SHISAL1: variants seen among roughly 807,000 people sequenced by gnomAD.
The protein encoded by SHISAL1 is protein shisa-like-1.
In SHISAL1, 9 loss-of-function variants were observed where a neutral mutation model predicts 22.6. The ratio of observed to expected loss-of-function variants is 0.40; its 90% CI spans 0.24 to 0.70. The LOEUF is 0.70. Ranked by LOEUF, SHISAL1 falls within the 30% of genes least tolerant of loss-of-function variation. The pLI is 0.39. For synonymous variants in SHISAL1, 119 were observed against 115.4 expected, an observed-to-expected ratio of 1.03 and a Z score of -0.20; for missense variants, 246 against 270.6, an observed-to-expected ratio of 0.91 and a Z score of 0.64.
chr22:44,262,249 G>A (rs1378028403), intron 4 of SHISAL1, among the ~76,000 whole-genome samples: 1 of 152,210 alleles, frequency 6.6e-6, no homozygotes, highest in Non-Finnish European at 1.5e-5. Flanking sequence ...CTCAGCCAAG[G>A]TCATTCAGAG....
intron 4 of SHISAL1, among the ~76,000 whole-genome samples, chr22:44,263,107 G>C (rs1003467967): frequency 2.8e-5 from 3 of 107,514 alleles, no homozygotes; most frequent in African/African-American, 9.2e-5. Context: ...TTTGGAGATG[G>C]AGTCTGTGTC....
intron 4 of SHISAL1, among the ~76,000 whole-genome samples, chr22:44,277,170 G>C (rs897603817): frequency 2.6e-5 from 4 of 152,196 alleles, no homozygotes; most frequent in African/African-American, 9.6e-5. Flanking sequence ...CACTGTCTTG[G>C]ACAGAGCCGT....
chr22:44,282,823 G>T (rs2055285815), intron 4 of SHISAL1, among the ~76,000 whole-genome samples: 1 of 152,324 alleles, frequency 6.6e-6, no homozygotes, highest in Middle Eastern at 3.4e-3. Context: ...ATTCTCCAGT[G>T]TGCCCGAGGA....
intron 2 of SHISAL1, among the ~76,000 whole-genome samples, chr22:44,297,316 G>A (rs767012519): frequency 1.8e-4 from 27 of 152,238 alleles, no homozygotes; most frequent in Non-Finnish European, 3.5e-4. Context: ...AAGTGTTGGA[G>A]GGACAGGAAT....
chr22:44,301,015 G>A, intron 1 of SHISAL1, 38 bp from the exon 2 acceptor site: 1 of 1,431,362 alleles, frequency 7.0e-7, no homozygotes, highest in South Asian at 1.2e-5. Flanking sequence ...GGTGTGGGCT[G>A]TCTCGCCTGA....
intron 4 of SHISAL1, among the ~76,000 whole-genome samples, chr22:44,253,375 G>C (rs2055062070): frequency 6.6e-6 from 1 of 150,876 alleles, no homozygotes; most frequent in South Asian, 2.1e-4. Flanking sequence ...TATTCATAGA[G>C]CAAGACTGGA....
chr22:44,282,611 G>C (rs2055284489), intron 4 of SHISAL1, among the ~76,000 whole-genome samples: 1 of 152,246 alleles, frequency 6.6e-6, no homozygotes, highest in African/African-American at 2.4e-5. Context: ...AAGAGCTGGG[G>C]TGGGCAGGGG....
chr22:44,272,888 GAGTTCA>G (rs1337504961), intron 4 of SHISAL1, among the ~76,000 whole-genome samples: 2 of 152,192 alleles, frequency 1.3e-5, no homozygotes, highest in African/African-American at 4.8e-5. Flanking sequence ...CTGGGCTTAG[GAGTTCA>G]AGTCCAGCCT....
At chr22:44,278,148 C>G (rs758530882) in intron 4 of SHISAL1, among the ~76,000 whole-genome samples, 6 of 152,214 alleles carry the variant, frequency 3.9e-5, no homozygotes, top group African/African-American at 1.4e-4. Context: ...AATCAGCTGC[C>G]AGCGTGGCCT....
chr22:44,249,773 G>A, intron 4 of SHISAL1, 88 bp from the exon 5 acceptor site: 1 of 763,454 alleles, frequency 1.3e-6, no homozygotes, highest in Non-Finnish European at 2.4e-6. Flanking sequence ...AAGAAGCCAG[G>A]TTTTCTCTGA....
chr22:44,311,455 C>T (rs1411931312), intron 1 of SHISAL1, among the ~76,000 whole-genome samples: 4 of 152,336 alleles, frequency 2.6e-5, no homozygotes, highest in African/African-American at 7.2e-5. Flanking sequence ...CTGCTGAATC[C>T]ACCATGCCCC....
chr22:44,302,421 A>C (rs933594318), intron 1 of SHISAL1, among the ~76,000 whole-genome samples: 1 of 152,100 alleles, frequency 6.6e-6, no homozygotes, highest in Non-Finnish European at 1.5e-5. Flanking sequence ...CAATAAAAAA[A>C]AATTTTTAAT....
intron 4 of SHISAL1, among the ~76,000 whole-genome samples, chr22:44,270,599 G>A (rs779487800): frequency 1.2e-4 from 19 of 152,318 alleles, no homozygotes; most frequent in Non-Finnish European, 1.8e-4. Flanking sequence ...GGGCCAGCTC[G>A]CATGGAGGCT....
intron 3 of SHISAL1, among the ~76,000 whole-genome samples, chr22:44,289,495 T>TGTGTGTGTGTGTGTGTGTGTGTGTGTGTG (rs369474296): frequency 6.7e-6 from 1 of 149,634 alleles, no homozygotes; most frequent in African/African-American, 2.5e-5. Context: ...TGTGTGTGTG[T>TGTGTGTGTGTGTGTGTGTGTGTGTGTGTG]TTACTGCCGG....
intron 4 of SHISAL1, among the ~76,000 whole-genome samples, chr22:44,264,894 A>G (rs1178594564): frequency 6.6e-6 from 1 of 151,726 alleles, no homozygotes; most frequent in Non-Finnish European, 1.5e-5. Flanking sequence ...GGTCCCCAAC[A>G]CATACACCAG....
intron 4 of SHISAL1, among the ~76,000 whole-genome samples, chr22:44,283,231 A>G (rs1413241284): frequency 6.6e-6 from 1 of 152,180 alleles, no homozygotes; most frequent in Admixed American, 6.5e-5. Flanking sequence ...TCACGCTCAC[A>G]GGGTGATGGG....
chr22:44,329,091 C>G, the SHISAL1 span, among the ~76,000 whole-genome samples: 1 of 152,236 alleles, frequency 6.6e-6, no homozygotes, highest in Non-Finnish European at 1.5e-5. Context: ...GAGCTCCCCA[C>G]TGCCTCATGA....
chr22:44,280,094 C>T (rs925078532), intron 4 of SHISAL1, among the ~76,000 whole-genome samples: 1 of 152,176 alleles, frequency 6.6e-6, no homozygotes, highest in East Asian at 1.9e-4. Flanking sequence ...CCCACTCAGG[C>T]CCCTAGACCT....
chr22:44,273,106 A>C (rs554495775), intron 4 of SHISAL1, among the ~76,000 whole-genome samples: 35 of 152,016 alleles, frequency 2.3e-4, no homozygotes, highest in Middle Eastern at 3.4e-3. Flanking sequence ...CAAAAAAAAA[A>C]CAAAAAAAAC....
Sources: gnomAD v4.1 joint callset for allele counts (sites outside exome capture counted in the v4.1 genomes callset) on GRCh38, gnomAD v4.1.1 for gene constraint, MANE v1.5 for transcripts, NCBI Gene and HGNC (gene_info 2026-07-23, HGNC 2026-07-21) for gene names.